Variants in GNG7 observed in about 807,000 individuals in gnomAD.
GNG7 encodes G protein subunit gamma 7.
A neutral mutation model predicts 4.0 loss-of-function variants in GNG7; 1 was observed. The ratio of observed to expected loss-of-function variants is 0.25; its 90% confidence interval spans 0.09 to 1.18. The LOEUF is 1.18. GNG7 is among the 50% of genes most tolerant of loss of function. The pLI, the probability that GNG7 is intolerant of heterozygous loss-of-function variation, is 0.50. For synonymous variants in GNG7, 34 were observed against 36.9 expected, an observed-to-expected ratio of 0.92 and a Z score of 0.29; for missense variants, 86 against 91.9, an observed-to-expected ratio of 0.94 and a Z score of 0.26.
chr19:2,549,681 A>G (rs1389661312), intron 3 of GNG7, among the ~76,000 whole-genome samples: 1 of 151,874 alleles, frequency 6.6e-6, no homozygotes, highest in Non-Finnish European at 1.5e-5. Flanking sequence ...CCTTCTGGAG[A>G]GACACCACTG....
rs1473773503 is a variant in GNG7, at chr19:2,633,797, G to A, written c.-78+12427C>T. 1.3e-5 allele frequency among the ~76,000 whole-genome samples: 2 copies of A among 152,242 alleles called. No individual in the cohort carries two copies. The highest frequency in any genetic ancestry group is 2.1e-4 in the South Asian group (1 of 4,820). On this transcript the variant is annotated intron_variant, in intron 2 of 4. Coordinates refer to ENST00000382159, the MANE Select transcript of GNG7 (RefSeq NM_052847.3). The surrounding 1 kb of genome is among the most constrained non-coding windows in gnomAD (Gnocchi z 5.9). Reference sequence around the variant, plus strand: ...CCCGGGAGGCAGGTTCTTCTGCACCGGGCCTTCTCCCCCCGGCACTGTGGG... The same window carrying A: ...CCCGGGAGGCAGGTTCTTCTGCACCAGGCCTTCTCCCCCCGGCACTGTGGG...
chr19:2,525,971 A>ATTTTTTTTTTTTTTT lies in GNG7; in HGVS notation c.-37-5261_-37-5247dup, dbSNP rs35639922. On this transcript the variant is annotated intron_variant, in intron 3 of 4. Coordinates refer to ENST00000382159, the MANE Select transcript of GNG7 (RefSeq NM_052847.3). ...ATTACAGGTGCCTGCCTCCACGCCA[A>ATTTTTTTTTTTTTTT]TTTTTTTTTTTTTTTTTGAGACAGA... Among the ~76,000 whole-genome samples the ATTTTTTTTTTTTTTT allele has an allele frequency of 5.4e-3, 405 of 75,656 alleles. 78 individuals carry two copies. The highest frequency in any genetic ancestry group is 0.022 in the African/African-American group (369 of 16,562). 49.6% of individuals were successfully genotyped at this position (75,656 alleles called of 152,430 possible). A position where few individuals can be genotyped will look rare whatever the true frequency, so the allele number is the denominator to read the frequency against.
chr19:2,540,601 G>A lies in GNG7; in HGVS notation c.-38+14548C>T, dbSNP rs535904064. On this transcript the variant is annotated intron_variant, in intron 3 of 4. Coordinates refer to ENST00000382159, the MANE Select transcript of GNG7 (RefSeq NM_052847.3). ...AGCCAAGAAGCAGACAGCAGGCCTG[G>A]GGTGGTTGGAGATTTTGCGGGGACC... 2.0e-5 allele frequency among the ~76,000 whole-genome samples: 3 copies of A among 152,326 alleles called. No individual in the cohort carries two copies. In the South Asian group the frequency reaches 6.2e-4, roughly 32 times the overall value.
rs1342980235 is a variant in GNG7 at position 2,515,018 on chromosome 19, A to C, written c.*4T>G. ...AGAGAGAGAGAGAACATATGAGAAC[A>C]CAGTTATAAAATAATACAAGGTTTC... On this transcript the variant is annotated 3_prime_UTR_variant, in exon 5 of 5. Coordinates refer to ENST00000382159, the MANE Select transcript of GNG7 (RefSeq NM_052847.3). The C allele has an allele frequency of 1.2e-6, 2 of 1,610,338 alleles. No individual in the cohort carries two copies. The highest frequency in any genetic ancestry group is 1.7e-6 in the Non-Finnish European group (2 of 1,176,668).
chr19:2,632,520 A>C, intron 2 of GNG7: 1 of 152,048 alleles, frequency 6.6e-6, no homozygotes, highest in Non-Finnish European at 1.5e-5. Flanking sequence ...ACGCACACAG[A>C]AAACAGACTG....
At chr19:2,551,628 T>TATAAACAAATATATATTTATAAATAC (rs1568240168) in intron 3 of GNG7, among the ~76,000 whole-genome samples, 1 of 146,190 alleles carries the variant, frequency 6.8e-6, no homozygotes, top group African/African-American at 2.5e-5. Flanking sequence ...TTTATAAATA[T>TATAAACAAATATATATTTATAAATAC]ATAAAAACAC....
intron 2 of GNG7, among the ~76,000 whole-genome samples, chr19:2,597,178 C>T (rs1981047532): frequency 1.7e-5 from 2 of 116,720 alleles, no homozygotes; most frequent in South Asian, 6.2e-4. Context: ...GGGAGGATTG[C>T]TTGAGCCTGG....
In GNG7 at chr19:2,514,840, G is replaced by A. The variant is rs543129193; in HGVS notation, c.*182C>T. 44 of 561,392 alleles carry A rather than the reference G, an allele frequency of 7.8e-5. No individual in the cohort carries two copies. Among genetic ancestry groups the A allele is most frequent in the African/African-American group, 3.2e-4 (17 of 52,924 alleles). 34.8% of individuals were successfully genotyped at this position (561,392 alleles called of 1,614,324 possible). On this transcript the variant is annotated 3_prime_UTR_variant, in exon 5 of 5. Coordinates refer to ENST00000382159, the MANE Select transcript of GNG7 (RefSeq NM_052847.3). ...CTACAAGGTCCATTCTACCCCATCC[G>A]GGCGGTGGGAACGCCTTTTTTGGCG...
chr19:2,551,479 T>C (rs1979317198), intron 3 of GNG7, among the ~76,000 whole-genome samples: 1 of 130,046 alleles, frequency 7.7e-6, no homozygotes, highest in South Asian at 2.6e-4. Context: ...CAAAAAGCCC[T>C]GCCGTGCTGG....
chr19:2,629,294 C>G lies in GNG7; in HGVS notation c.-78+16930G>C, dbSNP rs138149709. Among the ~76,000 whole-genome samples the G allele has an allele frequency of 2.1e-4, 32 of 152,312 alleles. No individual in the cohort carries two copies. In the East Asian group the frequency reaches 5.6e-3, roughly 27 times the overall value. ...TCCAAATGTCCCTTTCAATAACTTT[C>G]CACTCTACCAGTCATCTCCTCCTTC... On this transcript the variant is annotated intron_variant, in intron 2 of 4. Transcript: ENST00000382159.
At chr19:2,642,691 G>C in intron 2 of GNG7, 1 of 423,408 alleles carries the variant, frequency 2.4e-6, no homozygotes, top group South Asian at 1.7e-5. Context: ...TTAGGATATC[G>C]CTCTGTTGAC....
intron 1 of GNG7, among the ~76,000 whole-genome samples, chr19:2,667,516 C>T (rs562158095): frequency 2.0e-5 from 3 of 152,292 alleles, no homozygotes; most frequent in East Asian, 3.9e-4. Context: ...CAGTGACTGA[C>T]ACCTGTCATC....
chr19:2,573,709 C>T (rs947181481), intron 2 of GNG7, among the ~76,000 whole-genome samples: 3 of 151,906 alleles, frequency 2.0e-5, no homozygotes, highest in African/African-American at 4.8e-5. Flanking sequence ...CAGGCGTGGT[C>T]GTGGGCGCCT....
Position 2,633,479 on chromosome 19 carries a change from G to GCA in GNG7, c.-78+12744_-78+12745insTG, listed in dbSNP as rs1982217175. Among the ~76,000 whole-genome samples the GCA allele has an allele frequency of 5.5e-5, 4 of 73,274 alleles. No individual in the cohort carries two copies. Among genetic ancestry groups the GCA allele is most frequent in the African/African-American group, 2.1e-4 (4 of 18,930 alleles). 48.1% of individuals were successfully genotyped at this position (73,274 alleles called of 152,430 possible). ...CGGTTGCTTAGCAACAGGCGCGCGC[G>GCA]CGCGCGCGCACACACACACACACAC... On this transcript the variant is annotated intron_variant, in intron 2 of 4. Transcript: ENST00000382159. This position sits in a 1 kb window ranked among gnomAD's most constrained non-coding sequence, Gnocchi z 5.9.
At chr19:2,669,684 G>A (rs1360625448) in intron 1 of GNG7, among the ~76,000 whole-genome samples, 1 of 152,036 alleles carries the variant, frequency 6.6e-6, no homozygotes. Context: ...TCAGAGCGTC[G>A]AAAATATTTA....
intron 1 of GNG7, among the ~76,000 whole-genome samples, chr19:2,698,555 CTG>C (rs1052082960): frequency 1.7e-4 from 25 of 151,248 alleles, no homozygotes; most frequent in African/African-American, 5.6e-4. Flanking sequence ...CAGAGAAAGA[CTG>C]TGTTTCAAAA....
At chr19:2,660,509 G>A (rs567233899) in intron 1 of GNG7, among the ~76,000 whole-genome samples, 3 of 152,192 alleles carry the variant, frequency 2.0e-5, no homozygotes, top group South Asian at 2.1e-4. Context: ...GGTGGCTCAC[G>A]CCTGTGATCC....
At chr19:2,686,665 G>A (rs956254646) in intron 1 of GNG7, among the ~76,000 whole-genome samples, 2 of 152,084 alleles carry the variant, frequency 1.3e-5, no homozygotes, top group Admixed American at 6.6e-5. Flanking sequence ...TGGGGAAGAC[G>A]ACGAGTTTCC....
chr19:2,640,258 GGAGA>G (rs560240248), intron 2 of GNG7, among the ~76,000 whole-genome samples: 2 of 151,478 alleles, frequency 1.3e-5, no homozygotes, highest in Non-Finnish European at 2.9e-5. Context: ...GAGGAAGGAA[GGAGA>G]GAGAGAGGAA....
Sources: allele counts gnomAD v4.1 joint callset (sites outside exome capture counted in the v4.1 genomes callset), GRCh38; gene constraint gnomAD v4.1.1; non-coding constraint Gnocchi (gnomAD v3.1); transcripts MANE v1.5; gene names NCBI Gene and HGNC (gene_info 2026-07-23, HGNC 2026-07-21).